Variants in PGR observed in about 807,000 individuals in gnomAD.
PGR encodes nuclear receptor subfamily 3 group C member 3.
In PGR, 25 loss-of-function variants were observed where a neutral mutation model predicts 76.1. The ratio of observed to expected loss-of-function variants is 0.33; its 90% CI spans 0.24 to 0.46. The LOEUF (loss-of-function observed/expected upper bound fraction) is 0.46. Ranked by LOEUF, PGR falls within the 20% of genes least tolerant of loss-of-function variation. PGR has a pLI of 1.00. For missense variants in PGR, 1,172 were observed against 1,225.3 expected (o/e 0.96, Z 0.65); for synonymous variants, 579 against 535.0 (o/e 1.08, Z -1.14).
rs150851660 is a variant in PGR, at chr11:101,072,125, T to C, written c.1907-9373A>G. ...GGAAGCCCATCAGACTAACAGCAGA[T>C]CTCTCTGCTGAAACCCTACATGCCA... is the stretch of plus-strand genomic sequence containing the variant. On this transcript the variant is annotated intron_variant, in intron 3 of 7. Coordinates refer to ENST00000325455, the MANE Select transcript of PGR (RefSeq NM_000926.4). Among the ~76,000 whole-genome samples the C allele has an allele frequency of 5.5e-3, 835 of 152,224 alleles. 3 individuals are homozygous for C. Among genetic ancestry groups the C allele is most frequent in the African/African-American group, 0.017 (692 of 41,534 alleles).
chr11:101,059,526 T>C (rs903145459), intron 4 of PGR, among the ~76,000 whole-genome samples: 1 of 152,118 alleles, frequency 6.6e-6, no homozygotes, highest in Non-Finnish European at 1.5e-5. Context: ...CTAGAGCATC[T>C]TGCAAGTCTC....
chr11:101,119,500 A>C (rs899856411), intron 2 of PGR, among the ~76,000 whole-genome samples: 18 of 152,308 alleles, frequency 1.2e-4, no homozygotes, highest in African/African-American at 4.3e-4. Context: ...TTGATCACAA[A>C]TGGTCATCTC....
chr11:101,122,637 T>TGG (rs1862715214), intron 2 of PGR, among the ~76,000 whole-genome samples: 1 of 152,208 alleles, frequency 6.6e-6, no homozygotes, highest in African/African-American at 2.4e-5. Flanking sequence ...CAATACTATA[T>TGG]CCTAAACAGT....
Position 101,118,375 on chromosome 11 carries a change from C to T in PGR, c.1789+7632G>A, listed in dbSNP as rs577245141. Among the ~76,000 whole-genome samples the T allele has an allele frequency of 2.6e-5, 4 of 152,254 alleles. No homozygotes were observed. In the East Asian group the frequency reaches 7.7e-4, roughly 29 times the overall value. On this transcript the variant is annotated intron_variant, in intron 2 of 7. Transcript: ENST00000325455. ...ATTTTTATATTTCGTACAAATGCTA[C>T]AGCACTGTTTTGAGCTCACGGTCCA...
intron 6 of PGR, among the ~76,000 whole-genome samples, chr11:101,047,435 T>C (rs2135388372): frequency 6.6e-6 from 1 of 152,284 alleles, no homozygotes; most frequent in South Asian, 2.1e-4. Flanking sequence ...TAAATATCCT[T>C]TGTTCAATTG....
intron 2 of PGR, among the ~76,000 whole-genome samples, chr11:101,123,940 AC>A (rs1862760018): frequency 6.6e-6 from 1 of 152,240 alleles, no homozygotes; most frequent in African/African-American, 2.4e-5. Context: ...TACATACTTT[AC>A]AAGTATCAGC....
intron 3 of PGR, among the ~76,000 whole-genome samples, chr11:101,070,213 T>G (rs1591387732): frequency 6.6e-6 from 1 of 151,926 alleles, no homozygotes; most frequent in East Asian, 1.9e-4. Flanking sequence ...ACCCGGGAAG[T>G]ACAAAGAGTG....
At chr11:101,085,647 A>C (rs2135447659) in intron 3 of PGR, among the ~76,000 whole-genome samples, 1 of 152,044 alleles carries the variant, frequency 6.6e-6, no homozygotes, top group East Asian at 1.9e-4. Context: ...CAAAGAATCA[A>C]CAAAACCAAA....
intron 3 of PGR, among the ~76,000 whole-genome samples, chr11:101,071,060 T>C (rs1326061423): frequency 6.6e-6 from 1 of 152,124 alleles, no homozygotes; most frequent in Non-Finnish European, 1.5e-5. Flanking sequence ...GACAGACACC[T>C]CACACAGGAG....
At chr11:101,105,340 T>A (rs1862119443) in intron 2 of PGR, among the ~76,000 whole-genome samples, 1 of 152,024 alleles carries the variant, frequency 6.6e-6, no homozygotes, top group African/African-American at 2.4e-5. Flanking sequence ...AGGATAGAAA[T>A]GAGACTGTCA....
intron 4 of PGR, 91 bp from the exon 5 acceptor site, chr11:101,051,659 T>C (rs1860092703): frequency 1.1e-6 from 1 of 914,318 alleles, no homozygotes; most frequent in African/African-American, 1.6e-5. Context: ...AAAATAGGTA[T>C]GCGTAGGGTA....
rs750042441 is a variant in PGR at position 101,128,367 on chromosome 11, G to A, written c.704C>T (p.Pro235Leu). Residue 235 changes from proline to leucine, a missense_variant, in exon 1 of 8, where the codon CCG (proline) becomes CTG (leucine). Around this residue, in one of 4 missense-constraint regions of PGR, gnomAD observed 893 missense variants for 785.9 expected, o/e 1.14. Coordinates refer to ENST00000325455, the MANE Select transcript of PGR (RefSeq NM_000926.4). ...DGSESEESAG[P>L]LLKGKPRALG... ...AGCCCGAGGTTTGCCCTTCAGAAGC[G>A]GACCCGCAGACTCCTCGGACTCAGA... 16 of 1,606,248 alleles carry A rather than the reference G, an allele frequency of 1.0e-5. No individual in the cohort carries two copies. In the Admixed American group the frequency reaches 2.5e-4, roughly 25 times the overall value.
At chr11:101,056,822 A>G (rs1216292536) in intron 4 of PGR, among the ~76,000 whole-genome samples, 2 of 152,150 alleles carry the variant, frequency 1.3e-5, no homozygotes, top group African/African-American at 4.8e-5. Context: ...ACACAAAGCA[A>G]CAACTTTCAT....
At chr11:101,098,894 G>T (rs997859387) in intron 2 of PGR, among the ~76,000 whole-genome samples, 1 of 152,160 alleles carries the variant, frequency 6.6e-6, no homozygotes, top group Non-Finnish European at 1.5e-5. Context: ...AAAATTCAGG[G>T]TGAGGACAAA....
chr11:101,107,027 T>C (rs1862184254), intron 2 of PGR, among the ~76,000 whole-genome samples: 1 of 152,000 alleles, frequency 6.6e-6, no homozygotes, highest in African/African-American at 2.4e-5. Flanking sequence ...ACACATGGAC[T>C]TAGGGAGGGG....
rs191163476 is a variant in PGR, at chr11:101,128,698, C to T, written c.373G>A (p.Gly125Arg). ...GCGGGAGGGCTGGGTTGGCTCTGCC[C>T]GGGACCTGAGGGCGCCAACAGAGTG... ...LDTLLAPSGP[G>R]QSQPSPPACE... The change falls in exon 1 of 8, where the codon GGG (glycine) becomes AGG (arginine). Residue 125 changes from glycine to arginine, a missense_variant. Around this residue, in one of 4 missense-constraint regions of PGR, gnomAD observed 893 missense variants for 785.9 expected, o/e 1.14. Coordinates refer to ENST00000325455, the MANE Select transcript of PGR (RefSeq NM_000926.4). 11 of 1,605,684 alleles carry T rather than the reference C, an allele frequency of 6.9e-6. No homozygotes were observed. Among genetic ancestry groups the T allele is most frequent in the African/African-American group, 5.3e-5 (4 of 74,988 alleles).
At chr11:101,090,662 A>C (rs1431471154) in intron 3 of PGR, among the ~76,000 whole-genome samples, 3 of 152,252 alleles carry the variant, frequency 2.0e-5, no homozygotes, top group African/African-American at 7.2e-5. Flanking sequence ...ATAGAAAGTT[A>C]CTGAGCACCT....
chr11:101,082,403 G>A (rs1221017039), intron 3 of PGR, among the ~76,000 whole-genome samples: 1 of 152,260 alleles, frequency 6.6e-6, no homozygotes, highest in Admixed American at 6.5e-5. Flanking sequence ...TTGGAACTGA[G>A]TAATGGGCAG....
intron 3 of PGR, among the ~76,000 whole-genome samples, chr11:101,073,549 G>T (rs1010589747): frequency 6.6e-6 from 1 of 151,932 alleles, no homozygotes; most frequent in Non-Finnish European, 1.5e-5. Context: ...CCAGGAGCTG[G>T]TTTTTTGAAA....
Sources: allele counts gnomAD v4.1 joint callset (sites outside exome capture counted in the v4.1 genomes callset), GRCh38; gene constraint gnomAD v4.1.1; regional missense constraint gnomAD v4.1.1; transcripts MANE v1.5; gene names NCBI Gene and HGNC (gene_info 2026-07-23, HGNC 2026-07-21).